Variants in WDR64 observed in about 807,000 individuals in gnomAD.
The protein encoded by WDR64 is WD repeat-containing protein 64.
Under a neutral mutation model 139.3 loss-of-function variants are expected in WDR64, and 112 were observed. The observed-to-expected ratio is 0.80, with a 90% CI of 0.69 to 0.94. WDR64 has a LOEUF of 0.94. Among genes scored for constraint, WDR64 ranks in the 40% least tolerant of loss-of-function variants. WDR64 has a pLI of 0.00. For missense variants in WDR64, 1,206 were observed against 1,293.1 expected, an observed-to-expected ratio of 0.93 and a Z score of 1.03; for synonymous variants, 444 against 437.7, an observed-to-expected ratio of 1.01 and a Z score of -0.18.
At chr1:241,705,312 A>C (rs1029974865) in intron 8 of WDR64, among the ~76,000 whole-genome samples, 64 of 151,864 alleles carry the variant, frequency 4.2e-4, no homozygotes, top group East Asian at 2.1e-3. Context: ...GAGGCCAAGG[A>C]GGGCGGATCA....
At chr1:241,751,434 C>T (rs142782441) in intron 14 of WDR64, among the ~76,000 whole-genome samples, 4 of 152,240 alleles carry the variant, frequency 2.6e-5, no homozygotes, top group African/African-American at 9.6e-5. Context: ...TCTCTATCTT[C>T]CTAGATTCCC....
chr1:241,652,821 T>G (rs1428623038), intron 1 of WDR64, among the ~76,000 whole-genome samples, 192 bp downstream of exon 1: 1 of 151,932 alleles, frequency 6.6e-6, no homozygotes, highest in Non-Finnish European at 1.5e-5. Context: ...TTGTTTTGTT[T>G]TGTTTTTGTT....
At chr1:241,685,408 G>A (rs1666966674) in intron 7 of WDR64, among the ~76,000 whole-genome samples, 1 of 151,800 alleles carries the variant, frequency 6.6e-6, no homozygotes, top group Admixed American at 6.6e-5. Context: ...AATTTTTTAT[G>A]TATATATGAA....
At chr1:241,735,095 G>A (rs1471898731) in intron 10 of WDR64, among the ~76,000 whole-genome samples, 2 of 152,138 alleles carry the variant, frequency 1.3e-5, no homozygotes, top group Non-Finnish European at 2.9e-5. Flanking sequence ...CAGCATTAGT[G>A]CAAGTGTCCC....
intron 1 of WDR64, among the ~76,000 whole-genome samples, chr1:241,658,722 G>A (rs2148053026): frequency 6.6e-6 from 1 of 151,238 alleles, no homozygotes; most frequent in Non-Finnish European, 1.5e-5. Flanking sequence ...CTCCAATGGT[G>A]AAACTTTTTA....
Position 241,703,173 on chromosome 1 carries a change from G to A in WDR64, c.975-8629G>A, listed in dbSNP as rs768466809. 5.9e-5 allele frequency among the ~76,000 whole-genome samples: 9 copies of A among 152,116 alleles called. No homozygotes were observed. Among genetic ancestry groups the A allele is most frequent in the South Asian group, 2.1e-4 (1 of 4,812 alleles). ...CCCCACCAACTACCTCACCGTCACC[G>A]GGAGAAAATATCGAGGGACTCTGCT... On this transcript the variant is annotated intron_variant, in intron 8 of 27. Transcript: ENST00000437684. The surrounding 1 kb of genome is among the most constrained non-coding windows in gnomAD (Gnocchi z 5.9).
chr1:241,786,828 G>T (rs1246988068), intron 23 of WDR64, among the ~76,000 whole-genome samples: 1 of 152,126 alleles, frequency 6.6e-6, no homozygotes, highest in Non-Finnish European at 1.5e-5. Context: ...GAAAGCAAAT[G>T]TGGTATACAC....
In WDR64 at chr1:241,802,693, G is replaced by A. The variant is rs1659558534; in HGVS notation, c.*1478G>A. 6.6e-6 allele frequency among the ~76,000 whole-genome samples: 1 copy of A among 152,118 alleles called. No homozygotes were observed. Among genetic ancestry groups the A allele is most frequent in the Admixed American group, 6.5e-5 (1 of 15,276 alleles). On this transcript the variant is annotated 3_prime_UTR_variant, in exon 28 of 28. Coordinates refer to ENST00000437684, the MANE Select transcript of WDR64 (RefSeq NM_001367482.1). Reference sequence around the variant, plus strand: ...GAGGGATGGACTGATAGATGGATATGTGTTAGAGCATATCTAAAACCACAT... The same window carrying A: ...GAGGGATGGACTGATAGATGGATATATGTTAGAGCATATCTAAAACCACAT...
chr1:241,772,588 A>C (rs923638419), intron 19 of WDR64, among the ~76,000 whole-genome samples: 2 of 146,640 alleles, frequency 1.4e-5, no homozygotes, highest in Non-Finnish European at 3.0e-5. Flanking sequence ...TCAGCCTCCC[A>C]AGTAGCTGGG....
At chr1:241,657,359 T>C (rs1454061679) in intron 1 of WDR64, among the ~76,000 whole-genome samples, 1 of 152,046 alleles carries the variant, frequency 6.6e-6, no homozygotes, top group Admixed American at 6.6e-5. Flanking sequence ...TTATATCATT[T>C]CACCCCATAA....
At chr1:241,676,139 G>A (rs1299237381) in intron 4 of WDR64, 1 of 152,210 alleles carries the variant, frequency 6.6e-6, no homozygotes, top group African/African-American at 2.4e-5. Context: ...CAGACAGCCA[G>A]ATTCTGTCAG....
intron 19 of WDR64, 134 bp downstream of exon 19, chr1:241,771,831 C>A (rs1658442157): frequency 8.6e-6 from 3 of 348,994 alleles, no homozygotes; most frequent in East Asian, 1.3e-4. Flanking sequence ...CATATACATT[C>A]ATATATATTC....
chr1:241,701,853 T>C (rs1010877447), intron 8 of WDR64, among the ~76,000 whole-genome samples: 12 of 152,310 alleles, frequency 7.9e-5, no homozygotes, highest in Admixed American at 7.8e-4. Flanking sequence ...AGACTCAACA[T>C]GTTTCTATTT....
At position 241,790,610 on chromosome 1, in the gene WDR64, G is replaced by C. The variant is rs543932220; in HGVS notation, c.2911G>C (p.Val971Leu). The change falls in exon 25 of 28, where the codon GTG becomes CTG. Residue 971 changes from valine to leucine, a missense_variant. Physicochemically the swap from Val to Leu is conservative, Grantham distance 32 (BLOSUM62 1). Coordinates refer to ENST00000437684, the MANE Select transcript of WDR64 (RefSeq NM_001367482.1). ...ATGCAGATGGAGAAAAATGAGCTCA[G>C]TGTCTCTACTTTTCAAACGCACACC... ...DREKWRKMSS[V>L]SLLFKRTPPK... is the part of the protein sequence containing the mutation. 1.9e-6 allele frequency: 3 copies of C among 1,609,528 alleles called. No homozygotes were observed. The highest frequency in any genetic ancestry group is 2.5e-6 in the Non-Finnish European group (3 of 1,179,066).
intron 2 of WDR64, among the ~76,000 whole-genome samples, chr1:241,663,105 G>A (rs6429286): frequency 0.55 from 83,171 of 151,858 alleles, 24,720 homozygotes; most frequent in Non-Finnish European, 0.68. Flanking sequence ...AACTAACTAG[G>A]AAATAAAAAG....
At chr1:241,710,545 G>A (rs1668119579) in intron 8 of WDR64, among the ~76,000 whole-genome samples, 1 of 151,914 alleles carries the variant, frequency 6.6e-6, no homozygotes, top group Non-Finnish European at 1.5e-5. Context: ...AGGGTGGGAG[G>A]GTGATGTCCC....
intron 20 of WDR64, among the ~76,000 whole-genome samples, chr1:241,774,845 G>C (rs1016018845): frequency 6.6e-6 from 1 of 152,188 alleles, no homozygotes; most frequent in Non-Finnish European, 1.5e-5. Context: ...ACAATCCCAA[G>C]TGTAGAACAG....
chr1:241,782,674 CCT>C (rs1220676973), intron 22 of WDR64, among the ~76,000 whole-genome samples: 8 of 152,116 alleles, frequency 5.3e-5, no homozygotes, highest in African/African-American at 1.9e-4. Flanking sequence ...AACAATGAAG[CCT>C]CATGATTTTT....
At chr1:241,749,167 G>A (rs1344078234) in intron 13 of WDR64, among the ~76,000 whole-genome samples, 10 of 152,146 alleles carry the variant, frequency 6.6e-5, no homozygotes, top group Non-Finnish European at 1.2e-4. Flanking sequence ...ATCTTTCACT[G>A]TGAATAATAG....
Sources: allele counts gnomAD v4.1 joint callset (sites outside exome capture counted in the v4.1 genomes callset), GRCh38; gene constraint gnomAD v4.1.1; non-coding constraint Gnocchi (gnomAD v3.1); transcripts MANE v1.5; gene names NCBI Gene and HGNC (gene_info 2026-07-23, HGNC 2026-07-21).